SGCD: variants seen among roughly 807,000 people sequenced by gnomAD.
SGCD encodes the protein delta-sarcoglycan.
Under a neutral mutation model 36.6 loss-of-function variants are expected in SGCD, and 18 were observed. The ratio of observed to expected loss-of-function variants is 0.49; its 90% CI spans 0.34 to 0.73. The LOEUF (loss-of-function observed/expected upper bound fraction) is 0.73, where lower values mean the gene tolerates loss of function less well. Ranked by LOEUF, SGCD falls within the 30% of genes least tolerant of loss-of-function variation. The pLI, the probability that SGCD is intolerant of heterozygous loss-of-function variation, is 0.01. For missense variants in SGCD, 387 were observed against 346.7 expected (o/e 1.12, Z -0.92); for synonymous variants, 133 against 130.6 (o/e 1.02, Z -0.12).
intron 3 of SGCD, among the ~76,000 whole-genome samples, chr5:156,473,523 T>C (rs1160212915): frequency 1.3e-5 from 2 of 152,184 alleles, no homozygotes; most frequent in Non-Finnish European, 2.9e-5. Flanking sequence ...TGTAATCTTT[T>C]TGGACTGCAA....
intron 3 of SGCD, among the ~76,000 whole-genome samples, chr5:156,391,333 C>T (rs1434335384): frequency 2.0e-5 from 3 of 152,176 alleles, no homozygotes; most frequent in South Asian, 2.1e-4. Context: ...GTTAGCACAA[C>T]GATGAAATTG....
At chr5:155,911,217 C>G (rs1441127187) in intron 1 of SGCD, among the ~76,000 whole-genome samples, 1 of 151,646 alleles carries the variant, frequency 6.6e-6, no homozygotes, top group East Asian at 1.9e-4. Context: ...ATTTTCTGAT[C>G]CTTTCCAATG....
At chr5:156,624,038 G>A (rs1419132447) in intron 6 of SGCD, among the ~76,000 whole-genome samples, 2 of 152,130 alleles carry the variant, frequency 1.3e-5, no homozygotes, top group Non-Finnish European at 2.9e-5. Flanking sequence ...GGTCTTGTAC[G>A]GTGCAATCTC....
intron 3 of SGCD, among the ~76,000 whole-genome samples, chr5:156,432,632 G>T (rs933571563): frequency 2.0e-5 from 3 of 152,156 alleles, no homozygotes; most frequent in African/African-American, 7.2e-5. Context: ...CTTGGGCAGG[G>T]TGTGCTGTGG....
chr5:156,344,727 G>T (rs373175836), intron 3 of SGCD, 50 bp downstream of exon 3: 2 of 1,383,686 alleles, frequency 1.4e-6, no homozygotes, highest in Non-Finnish European at 2.0e-6. Flanking sequence ...GAGGGGAAGC[G>T]TGGGGCAAGA....
At chr5:156,463,525 G>A (rs1754585000) in intron 3 of SGCD, among the ~76,000 whole-genome samples, 1 of 152,094 alleles carries the variant, frequency 6.6e-6, no homozygotes, top group African/African-American at 2.4e-5. Context: ...TCTCAAGAGG[G>A]AATGTTTTTT....
At chr5:156,335,259 G>C (rs903673074) in intron 2 of SGCD, among the ~76,000 whole-genome samples, 1 of 152,080 alleles carries the variant, frequency 6.6e-6, no homozygotes, top group African/African-American at 2.4e-5. Flanking sequence ...ATATCTTCTG[G>C]TTCATCAGAG....
At chr5:156,483,073 GTAT>G (rs1755510904) in intron 3 of SGCD, among the ~76,000 whole-genome samples, 1 of 152,162 alleles carries the variant, frequency 6.6e-6, no homozygotes, top group South Asian at 2.1e-4. Flanking sequence ...CTCATGAATG[GTAT>G]TTGAGCAAAG....
At chr5:155,938,519 C>G (rs1224375651) in intron 1 of SGCD, among the ~76,000 whole-genome samples, 1 of 152,168 alleles carries the variant, frequency 6.6e-6, no homozygotes, top group Non-Finnish European at 1.5e-5. Flanking sequence ...TTTCCATTGG[C>G]CTGGGTATCA....
intron 3 of SGCD, among the ~76,000 whole-genome samples, chr5:156,454,105 A>C (rs1411693050): frequency 6.6e-6 from 1 of 152,178 alleles, no homozygotes; most frequent in East Asian, 1.9e-4. Flanking sequence ...GTGCTTGATT[A>C]TGTATAAGTC....
At chr5:156,660,458 G>A (rs2113626823) in intron 7 of SGCD, among the ~76,000 whole-genome samples, 1 of 152,392 alleles carries the variant, frequency 6.6e-6, no homozygotes, top group East Asian at 1.9e-4. Flanking sequence ...AATGTCTAGT[G>A]GGTAACCAAA....
the SGCD span, among the ~76,000 whole-genome samples, chr5:155,788,112 T>C: frequency 1.3e-5 from 2 of 152,186 alleles, no homozygotes; most frequent in East Asian, 3.9e-4. Flanking sequence ...TAGGTGTGAC[T>C]CTTTACCCTG....
At chr5:156,340,624 A>G (rs1436959740) in intron 2 of SGCD, among the ~76,000 whole-genome samples, 1 of 152,238 alleles carries the variant, frequency 6.6e-6, no homozygotes, top group African/African-American at 2.4e-5. Context: ...GATAGGGTTT[A>G]GCGAGTTGCA....
chr5:156,500,551 G>A (rs947791157), intron 3 of SGCD, among the ~76,000 whole-genome samples: 1 of 152,102 alleles, frequency 6.6e-6, no homozygotes, highest in Non-Finnish European at 1.5e-5. Flanking sequence ...CTGATGCAGG[G>A]GGAAAATCAA....
chr5:155,916,785 A>C (rs1175109633), intron 1 of SGCD, among the ~76,000 whole-genome samples: 1 of 152,220 alleles, frequency 6.6e-6, no homozygotes, highest in East Asian at 1.9e-4. Context: ...GGACATTCAA[A>C]CTTTTTCAAA....
At chr5:156,114,929 A>G (rs966991730) in intron 1 of SGCD, among the ~76,000 whole-genome samples, 1 of 152,114 alleles carries the variant, frequency 6.6e-6, no homozygotes, top group Middle Eastern at 3.2e-3. Context: ...ACAGACAGGG[A>G]TAGCAGGTAA....
At chr5:156,254,265 G>C (rs1037629993) in intron 3 of SGCD, among the ~76,000 whole-genome samples, 1 of 152,108 alleles carries the variant, frequency 6.6e-6, no homozygotes, top group Admixed American at 6.5e-5. Context: ...AGGGTACACT[G>C]CACAACATGC....
At chr5:155,975,229 CAT>C (rs1204207352) in intron 1 of SGCD, among the ~76,000 whole-genome samples, 4 of 152,224 alleles carry the variant, frequency 2.6e-5, no homozygotes, top group African/African-American at 7.2e-5. Context: ...CACCATCACA[CAT>C]GTGCATTTAT....
chr5:155,918,915 G>T (rs750309146), intron 1 of SGCD, among the ~76,000 whole-genome samples: 1 of 152,174 alleles, frequency 6.6e-6, no homozygotes, highest in Non-Finnish European at 1.5e-5. Flanking sequence ...CCTCTTTCCT[G>T]CTGGAAGCAC....
Sources: gnomAD v4.1 joint callset for allele counts (sites outside exome capture counted in the v4.1 genomes callset) on GRCh38, gnomAD v4.1.1 for gene constraint, MANE v1.5 for transcripts, NCBI Gene and HGNC (gene_info 2026-07-23, HGNC 2026-07-21) for gene names.